The following SCN7A variants were observed in gnomAD, a reference collection of about 807,000 sequenced individuals.
SCN7A encodes the protein sodium channel protein type 7 subunit alpha.
In SCN7A, 138 loss-of-function variants were observed where a neutral mutation model predicts 155.2. The ratio of observed to expected loss-of-function variants is 0.89; its 90% CI spans 0.77 to 1.02. The LOEUF (loss-of-function observed/expected upper bound fraction) is 1.02. Ranked by LOEUF, SCN7A falls within the 50% of genes least tolerant of loss-of-function variation. The pLI, the probability that SCN7A is intolerant of heterozygous loss-of-function variation, is 0.00. For missense variants in SCN7A, 2,058 were observed against 1,986.6 expected (o/e 1.04, Z -0.68); for synonymous variants, 693 against 649.0 (o/e 1.07, Z -1.03).
chr2:166,437,917 T>C (rs1329549013), intron 15 of SCN7A, among the ~76,000 whole-genome samples: 1 of 152,122 alleles, frequency 6.6e-6, no homozygotes, highest in African/African-American at 2.4e-5. Context: ...TACAGGCTCA[T>C]AGGTGGAAGG....
At chr2:166,450,246 A>G (rs188967902) in intron 11 of SCN7A, among the ~76,000 whole-genome samples, 1 of 152,306 alleles carries the variant, frequency 6.6e-6, no homozygotes, top group Admixed American at 6.5e-5. Context: ...CTCACTTTTA[A>G]GTGACAGCTA....
rs1193058130 is a variant in SCN7A at position 166,403,854 on chromosome 2, T to C, written c.*1726A>G. 1 of 151,808 alleles carries C rather than the reference T, an allele frequency of 6.6e-6. No individual in the cohort carries two copies. The highest frequency in any genetic ancestry group is 2.4e-5 in the African/African-American group (1 of 41,384). 9.4% of individuals were successfully genotyped at this position (151,808 alleles called of 1,614,324 possible). A position where few individuals can be genotyped will look rare whatever the true frequency, so the allele number is the denominator to read the frequency against. ...CTTAGATAAAGCACCAGCTGTCACA[T>C]TGTCACCAAGTTAACACTGGTTCCT... On this transcript the variant is annotated 3_prime_UTR_variant, in exon 26 of 26. Transcript: ENST00000643258.
At chr2:166,434,233 A>T (rs879364747) in intron 15 of SCN7A, among the ~76,000 whole-genome samples, 5 of 152,110 alleles carry the variant, frequency 3.3e-5, no homozygotes, top group Non-Finnish European at 5.9e-5. Flanking sequence ...CTCTATCTAG[A>T]TCTTCCTATT....
intron 10 of SCN7A, chr2:166,461,781 G>A (rs1194607514): frequency 6.6e-6 from 1 of 152,080 alleles, no homozygotes; most frequent in Non-Finnish European, 1.5e-5. Context: ...AAATCTTAGT[G>A]TCTTCATATA....
chr2:166,469,059 T>TA (rs1207346563), intron 7 of SCN7A, among the ~76,000 whole-genome samples: 4 of 151,346 alleles, frequency 2.6e-5, no homozygotes, highest in African/African-American at 9.7e-5. Flanking sequence ...TTTTTCCAGT[T>TA]AAAATTTTTT....
intron 9 of SCN7A, among the ~76,000 whole-genome samples, chr2:166,462,890 T>G (rs556194701): frequency 1.7e-4 from 26 of 152,358 alleles, no homozygotes; most frequent in Admixed American, 1.6e-3. Context: ...ATGGAGCTAA[T>G]TAGCATATGC....
At chr2:166,421,095 G>A in intron 20 of SCN7A, 95 bp downstream of exon 20, 1 of 750,730 alleles carries the variant, frequency 1.3e-6, no homozygotes, top group Non-Finnish European at 2.2e-6. Context: ...TACTGTTAAA[G>A]GTACAAACGA....
At chr2:166,462,347 G>A in intron 10 of SCN7A, 42 bp downstream of exon 10, 1 of 1,533,420 alleles carries the variant, frequency 6.5e-7, no homozygotes, top group South Asian at 1.2e-5. Context: ...GCAAGGGCAT[G>A]GTGCCATTCC....
At chr2:166,450,210 G>A (rs1702147557) in intron 11 of SCN7A, among the ~76,000 whole-genome samples, 1 of 152,120 alleles carries the variant, frequency 6.6e-6, no homozygotes, top group Admixed American at 6.6e-5. Flanking sequence ...GTTAATGCAG[G>A]AACAGAAAAC....
intron 16 of SCN7A, among the ~76,000 whole-genome samples, chr2:166,431,047 A>T (rs1053270212): frequency 6.6e-6 from 1 of 152,110 alleles, no homozygotes; most frequent in Non-Finnish European, 1.5e-5. Flanking sequence ...TTTAAGTTAC[A>T]GCTTTCCTAT....
intron 19 of SCN7A, among the ~76,000 whole-genome samples, chr2:166,422,374 G>A (rs6734211): frequency 0.3 from 45,685 of 151,830 alleles, 8,480 homozygotes; most frequent in African/African-American, 0.51. Context: ...TGAACAAATG[G>A]TACAATATTA....
chr2:166,425,047 C>T (rs569614078), intron 18 of SCN7A, among the ~76,000 whole-genome samples: 56 of 152,244 alleles, frequency 3.7e-4, no homozygotes, highest in African/African-American at 1.2e-3. Flanking sequence ...GCACAATCAA[C>T]GGCTGAGTGG....
intron 12 of SCN7A, among the ~76,000 whole-genome samples, chr2:166,446,683 T>C (rs1702070447): frequency 6.6e-6 from 1 of 152,294 alleles, no homozygotes; most frequent in Non-Finnish European, 1.5e-5. Flanking sequence ...TGGAACACTA[T>C]GCAGCCATAA....
chr2:166,462,635 T>TGTGGAAGCGTGAGTTC, intron 9 of SCN7A, 105 bp from the exon 10 acceptor site: 1 of 996,710 alleles, frequency 1.0e-6, no homozygotes, highest in Non-Finnish European at 1.4e-6. Context: ...GAACTCACGC[T>TGTGGAAGCGTGAGTTC]TCCACAGGGA....
At chr2:166,477,347 A>G in intron 3 of SCN7A, 116 bp downstream of exon 3, 1 of 770,732 alleles carries the variant, frequency 1.3e-6, no homozygotes, top group East Asian at 2.8e-5. Context: ...AAAATTTAAA[A>G]TCAGATCTTT....
intron 8 of SCN7A, 68 bp from the exon 9 acceptor site, chr2:166,465,599 T>C (rs930081933): frequency 3.8e-6 from 5 of 1,313,798 alleles, no homozygotes; most frequent in Non-Finnish European, 4.3e-6. Flanking sequence ...GAAGTCCATT[T>C]GGATCTCTGC....
At chr2:166,424,231 T>C (rs541588306) in intron 18 of SCN7A, among the ~76,000 whole-genome samples, 1 of 152,208 alleles carries the variant, frequency 6.6e-6, no homozygotes, top group South Asian at 2.1e-4. Context: ...GATTATAAAG[T>C]TCTTAAAAAT....
At chr2:166,447,492 A>G (rs946395307) in intron 12 of SCN7A, 120 bp downstream of exon 12, 44 of 614,776 alleles carry the variant, frequency 7.2e-5, no homozygotes, top group Admixed American at 2.4e-4. Flanking sequence ...ATATTCTCAA[A>G]TATTTCTTAA....
At chr2:166,464,149 CAT>C (rs1487529599) in intron 9 of SCN7A, among the ~76,000 whole-genome samples, 3 of 145,342 alleles carry the variant, frequency 2.1e-5, no homozygotes, top group East Asian at 2.5e-4. Flanking sequence ...AATATATACA[CAT>C]ATATATACAC....
Sources: allele counts gnomAD v4.1 joint callset (sites outside exome capture counted in the v4.1 genomes callset), GRCh38; gene constraint gnomAD v4.1.1; transcripts MANE v1.5; gene names NCBI Gene and HGNC (gene_info 2026-07-23, HGNC 2026-07-21).